The following SYNE2 variants were observed in gnomAD, a reference collection of about 807,000 sequenced individuals.
SYNE2 encodes the protein spectrin repeat containing nuclear envelope protein 2, also known as nesprin-2.
A neutral mutation model predicts 856.3 loss-of-function variants in SYNE2; 431 were observed. The observed-to-expected ratio is 0.50, with a 90% CI of 0.47 to 0.55. The LOEUF (loss-of-function observed/expected upper bound fraction) is 0.55. Ranked by LOEUF, SYNE2 falls within the 20% of genes least tolerant of loss-of-function variation. The pLI is 0.00. For synonymous variants in SYNE2, 2,923 were observed against 2,872.3 expected, an observed-to-expected ratio of 1.02 and a Z score of -0.56; for missense variants, 8,129 against 8,023.2, an observed-to-expected ratio of 1.01 and a Z score of -0.50.
At chr14:64,013,576 C>T (rs761239288) in intron 32 of SYNE2, among the ~76,000 whole-genome samples, 9 of 152,080 alleles carry the variant, frequency 5.9e-5, no homozygotes, top group East Asian at 5.8e-4. Flanking sequence ...TGAGACCATG[C>T]GGCATTTGAC....
rs745762020 is a variant in SYNE2 at position 64,152,604 on chromosome 14, A to G, written c.15680A>G (p.Asp5227Gly). Residue 5227 changes from aspartate (D) to glycine (G), a missense_variant, in exon 85 of 116, where the codon GAT becomes GGT. By Grantham distance (94) the Asp-to-Gly change is moderately conservative. This residue lies in a region of SYNE2 where 5,410 missense variants were observed against 5,284.8 expected (regional missense o/e 1.02). Coordinates refer to ENST00000555002, the MANE Select transcript of SYNE2 (RefSeq NM_182914.3). ...CTTGCAATTAAATCCAAAGCACTAG[A>G]TGAGTTGAAACAAAGTTATCTGACT... ...NQLAIKSKAL[D>G]ELKQSYLTLE... The G allele has an allele frequency of 6.2e-7, 1 of 1,614,130 alleles. No homozygotes were observed. The highest frequency in any genetic ancestry group is 8.5e-7 in the Non-Finnish European group (1 of 1,179,994).
chr14:64,180,169 T>G (rs546590981), intron 96 of SYNE2, among the ~76,000 whole-genome samples: 1 of 152,352 alleles, frequency 6.6e-6, no homozygotes, highest in African/African-American at 2.4e-5. Flanking sequence ...GATTTGTTTC[T>G]CAGTTCTCTG....
At chr14:63,974,868 G>GTC (rs1374185653) in intron 11 of SYNE2, among the ~76,000 whole-genome samples, 2,552 of 35,482 alleles carry the variant, frequency 0.072, 182 homozygotes, top group African/African-American at 0.19. Flanking sequence ...GTGTGTGTGT[G>GTC]TGTGTGTGTG....
At chr14:63,948,781 TGTATATATA>T in intron 6 of SYNE2, among the ~76,000 whole-genome samples, 1 of 65,744 alleles carries the variant, frequency 1.5e-5, no homozygotes, top group Non-Finnish European at 3.1e-5. Flanking sequence ...TATGTGTGTG[TGTATATATA>T]TATATATATA....
chr14:64,097,472 G>T lies in SYNE2; in HGVS notation c.12109-477G>T, dbSNP rs147203840. On this transcript the variant is annotated intron_variant, in intron 61 of 115. Coordinates refer to ENST00000555002, the MANE Select transcript of SYNE2 (RefSeq NM_182914.3). ...TTAAGAATTTCCTGGAGAGACATGG[G>T]AACATGTCTCCTGGGGACATGCATT... 1.2e-3 allele frequency among the ~76,000 whole-genome samples: 184 copies of T among 152,304 alleles called. 1 individual carries two copies. The highest frequency in any genetic ancestry group is 4.3e-3 in the African/African-American group (179 of 41,576).
intron 37 of SYNE2, 105 bp from the exon 38 acceptor site, chr14:64,022,646 A>G: frequency 1.4e-6 from 1 of 731,154 alleles, no homozygotes; most frequent in Non-Finnish European, 2.5e-6. Context: ...CACTTTCACA[A>G]CGATGTATAT....
At chr14:64,032,946 T>C (rs2097052974) in intron 45 of SYNE2, among the ~76,000 whole-genome samples, 1 of 152,156 alleles carries the variant, frequency 6.6e-6, no homozygotes, top group South Asian at 2.1e-4. Flanking sequence ...AGTGGGAATA[T>C]CCCTTGAGCC....
chr14:63,878,791 C>T (rs2094788964), intron 1 of SYNE2, among the ~76,000 whole-genome samples: 1 of 152,130 alleles, frequency 6.6e-6, no homozygotes, highest in African/African-American at 2.4e-5. Flanking sequence ...GTGATCCACC[C>T]ACCTTGGCCT....
chr14:63,838,729 G>C (rs940429569), intron 1 of SYNE2, among the ~76,000 whole-genome samples: 4 of 152,168 alleles, frequency 2.6e-5, no homozygotes, highest in Middle Eastern at 3.4e-3. Flanking sequence ...AGCTTGCCTT[G>C]AACTCCTGGG....
intron 65 of SYNE2, among the ~76,000 whole-genome samples, chr14:64,112,219 G>A (rs963635326): frequency 1.3e-5 from 2 of 152,134 alleles, no homozygotes; most frequent in African/African-American, 4.8e-5. Flanking sequence ...ATTTGAGTTA[G>A]GGTATATATT....
Position 64,158,649 on chromosome 14 carries a change from C to A in SYNE2, c.15817C>A (p.Gln5273Lys), listed in dbSNP as rs754012193. 6.2e-7 allele frequency: 1 copy of A among 1,613,946 alleles called. No homozygotes were observed. The highest frequency in any genetic ancestry group is 1.7e-5 in the Admixed American group (1 of 60,002). Reference protein sequence around the residue: ...TQVNQLKTSMQSVLQEWKIYD... With the variant: ...TQVNQLKTSMKSVLQEWKIYD... ...GGTCAATCAGCTCAAAACCTCCATG[C>A]AGTCAGTTTTACAGGAGTGGAAGAT... Residue 5273 changes from glutamine (Q) to lysine (K), a missense_variant, in exon 86 of 116, where the codon CAG becomes AAG. Coordinates refer to ENST00000555002, the MANE Select transcript of SYNE2 (RefSeq NM_182914.3).
At chr14:63,859,407 G>C (rs956031597) in intron 1 of SYNE2, among the ~76,000 whole-genome samples, 1 of 151,930 alleles carries the variant, frequency 6.6e-6, no homozygotes, top group Non-Finnish European at 1.5e-5. Flanking sequence ...ATTGATTTGT[G>C]ACTTTTCTTC....
intron 9 of SYNE2, among the ~76,000 whole-genome samples, chr14:63,962,114 T>C (rs1316651049): frequency 6.6e-6 from 1 of 152,084 alleles, no homozygotes; most frequent in Non-Finnish European, 1.5e-5. Context: ...TGTAGTGCAG[T>C]GGCGCGATCT....
At position 63,983,845 on chromosome 14, in the gene SYNE2, A is replaced by G. The variant is rs761498990; in HGVS notation, c.2110A>G (p.Met704Val). Residue 704 changes from methionine to valine, a missense_variant, in exon 18 of 116, where the codon ATG becomes GTG. Transcript: ENST00000555002. ...AGCAACTGTTGAGTTTTCAACAGAT[A>G]TGTCAGTAGAACTTCCTGAAAATTA... Reference protein sequence around the residue: ...EKATVEFSTDMSVELPENYNQ... With the variant: ...EKATVEFSTDVSVELPENYNQ... The G allele has an allele frequency of 6.9e-6, 11 of 1,588,624 alleles. No individual in the cohort carries two copies. Among genetic ancestry groups the G allele is most frequent in the Non-Finnish European group, 9.5e-6 (11 of 1,158,522 alleles).
chr14:64,057,763 C>T (rs1286502616), intron 49 of SYNE2, among the ~76,000 whole-genome samples: 5 of 152,168 alleles, frequency 3.3e-5, no homozygotes, highest in Non-Finnish European at 7.3e-5. Context: ...CTGTTTTCTC[C>T]ACATCCTTGC....
intron 1 of SYNE2, among the ~76,000 whole-genome samples, chr14:63,856,028 G>T (rs1891627411): frequency 6.6e-6 from 1 of 152,152 alleles, no homozygotes; most frequent in South Asian, 2.1e-4. Context: ...TTGTAGAGAG[G>T]AGACAGGCAT....
intron 1 of SYNE2, among the ~76,000 whole-genome samples, chr14:63,798,391 T>G (rs1279079745): frequency 6.6e-6 from 1 of 151,800 alleles, no homozygotes; most frequent in Non-Finnish European, 1.5e-5. Flanking sequence ...CTTGTTTTTT[T>G]TTTTTTCTTT....
rs1198684341 is a variant in SYNE2, at chr14:64,047,249, G to A, written c.7222-751G>A. ...AAGTCAGGCCGTCTCCTCCTCTACC[G>A]ACTGAGTCTGGTGTCTTTATAGGCA... On this transcript the variant is annotated intron_variant, in intron 45 of 115. Coordinates refer to ENST00000555002, the MANE Select transcript of SYNE2 (RefSeq NM_182914.3). Among the ~76,000 whole-genome samples, 13 of 152,330 alleles carry A rather than the reference G, an allele frequency of 8.5e-5. No individual in the cohort carries two copies. In the East Asian group the frequency reaches 1.2e-3, roughly 14 times the overall value.
intron 63 of SYNE2, among the ~76,000 whole-genome samples, chr14:64,100,527 AAAAAATATATAT>A (rs1175826062): frequency 2.5e-3 from 163 of 66,166 alleles, no homozygotes; most frequent in African/African-American, 6.0e-3. Flanking sequence ...AAAAAAAAAA[AAAAAATATATAT>A]ATATATATAT....
Sources: gnomAD v4.1 joint callset for allele counts (sites outside exome capture counted in the v4.1 genomes callset) on GRCh38, gnomAD v4.1.1 for gene constraint, gnomAD v4.1.1 regional missense constraint, MANE v1.5 for transcripts, NCBI Gene and HGNC (gene_info 2026-07-23, HGNC 2026-07-21) for gene names.